SEPTIN9: variants seen among roughly 807,000 people sequenced by gnomAD.
The protein encoded by SEPTIN9 is septin 9.
Under a neutral mutation model 56.6 loss-of-function variants are expected in SEPTIN9, and 13 were observed. The ratio of observed to expected loss-of-function variants is 0.23; its 90% CI spans 0.15 to 0.37. SEPTIN9 has a LOEUF of 0.37. Ranked by LOEUF, SEPTIN9 falls within the 10% of genes least tolerant of loss-of-function variation. SEPTIN9 has a pLI of 1.00. For synonymous variants in SEPTIN9, 332 were observed against 334.1 expected, an observed-to-expected ratio of 0.99 and a Z score of 0.07; for missense variants, 650 against 823.1, an observed-to-expected ratio of 0.79 and a Z score of 2.57.
chr17:77,317,182 CACA>C lies in SEPTIN9; in HGVS notation c.76+9991_76+9993del, dbSNP rs1340135078. Reference sequence around the variant, plus strand: ...ACGAGTGGCCACAAGCTGGCTGGGTCACAACAACGCCCAGCCATCCTCTCACAG... The same window carrying C: ...ACGAGTGGCCACAAGCTGGCTGGGTCACAACGCCCAGCCATCCTCTCACAG... On this transcript the variant is annotated intron_variant, in intron 2 of 11. Transcript: ENST00000427177. This position sits in a 1 kb window ranked among gnomAD's most constrained non-coding sequence, Gnocchi z 4.2. 6.6e-6 allele frequency among the ~76,000 whole-genome samples: 1 copy of C among 152,168 alleles called. No individual in the cohort carries two copies. Among genetic ancestry groups the C allele is most frequent in the Non-Finnish European group, 1.5e-5 (1 of 68,026 alleles).
intron 2 of SEPTIN9, among the ~76,000 whole-genome samples, chr17:77,388,056 C>T (rs1044782614): frequency 1.3e-5 from 2 of 152,148 alleles, no homozygotes; most frequent in Admixed American, 6.5e-5. Context: ...GCCCCTCTAC[C>T]GTGAGGCTTC....
Position 77,492,549 on chromosome 17 carries a change from A to G in SEPTIN9, c.1381-72A>G. On this transcript the variant is annotated intron_variant, in intron 8 of 11. Coordinates refer to ENST00000427177, the MANE Select transcript of SEPTIN9 (RefSeq NM_001113491.2). This position sits in a 1 kb window ranked among gnomAD's most constrained non-coding sequence, Gnocchi z 5.4. ...TGGGGCAGCACACAGTGTGGAGGTC[A>G]TGTGGCAAACACCAGTGGGTGGGTA... The G allele has an allele frequency of 1.5e-6, 2 of 1,355,812 alleles. No individual in the cohort carries two copies. Among genetic ancestry groups the G allele is most frequent in the Non-Finnish European group, 2.1e-6 (2 of 944,706 alleles). The allele number at this position is 1,355,812 out of a possible 1,614,324, so 84.0% of individuals were successfully genotyped here. A position where few individuals can be genotyped will look rare whatever the true frequency, so the allele number is the denominator to read the frequency against.
chr17:77,341,664 A>G (rs923865132), intron 2 of SEPTIN9, among the ~76,000 whole-genome samples: 2 of 151,606 alleles, frequency 1.3e-5, no homozygotes, highest in Non-Finnish European at 2.9e-5. Context: ...AGTCCCAGCT[A>G]CTGGGGAAGC....
intron 2 of SEPTIN9, among the ~76,000 whole-genome samples, chr17:77,308,705 T>A (rs1163232431): frequency 6.6e-6 from 1 of 152,272 alleles, no homozygotes; most frequent in Non-Finnish European, 1.5e-5. Context: ...AGCCTGCTTC[T>A]GATCCTGAGC....
At chr17:77,398,947 A>G (rs1205426715) in intron 2 of SEPTIN9, among the ~76,000 whole-genome samples, 1 of 152,160 alleles carries the variant, frequency 6.6e-6, no homozygotes, top group Non-Finnish European at 1.5e-5. Context: ...GGAGGGACCC[A>G]TCCATGAAAA....
At chr17:77,498,454 G>A (rs924013343) in intron 11 of SEPTIN9, 69 bp from the exon 12 acceptor site, 1 of 871,696 alleles carries the variant, frequency 1.1e-6, no homozygotes, top group South Asian at 1.4e-5. Flanking sequence ...GGCCGAGCAG[G>A]GCCCCTGCCC....
intron 2 of SEPTIN9, chr17:77,374,198 C>T (rs1418605374): frequency 6.6e-6 from 1 of 152,536 alleles, no homozygotes; most frequent in Non-Finnish European, 1.5e-5. Flanking sequence ...GGGATATCCT[C>T]ATCCGCCTCC....
At chr17:77,439,449 GC>G (rs1391820815) in intron 3 of SEPTIN9, among the ~76,000 whole-genome samples, 2 of 152,132 alleles carry the variant, frequency 1.3e-5, no homozygotes, top group Non-Finnish European at 2.9e-5. Flanking sequence ...AGTCTGGCCT[GC>G]CCCCGTGGCG....
chr17:77,488,391 C>A, intron 6 of SEPTIN9, 70 bp downstream of exon 6: 2 of 1,434,412 alleles, frequency 1.4e-6, no homozygotes, highest in Non-Finnish European at 9.8e-7. Context: ...CCAGAGTCAG[C>A]CCTAGAGGTT....
At chr17:77,462,033 C>T (rs1046113432) in intron 3 of SEPTIN9, among the ~76,000 whole-genome samples, 4 of 152,230 alleles carry the variant, frequency 2.6e-5, no homozygotes, top group African/African-American at 9.6e-5. Flanking sequence ...ACCTTCAGGC[C>T]TTTGTCACAA....
chr17:77,429,374 A>G lies in SEPTIN9; in HGVS notation c.721+26671A>G, dbSNP rs3744069. The G allele has an allele frequency of 0.057, 25,034 of 437,864 alleles. 2,745 individuals carry two copies. The highest frequency in any genetic ancestry group is 0.3 in the African/African-American group (15,028 of 49,522). 27.1% of individuals were successfully genotyped at this position (437,864 alleles called of 1,614,324 possible). On this transcript the variant is annotated intron_variant, in intron 3 of 11. Coordinates refer to ENST00000427177, the MANE Select transcript of SEPTIN9 (RefSeq NM_001113491.2). The surrounding 1 kb of genome is among the most constrained non-coding windows in gnomAD (Gnocchi z 5.2). ...AGGTGTGCTGGCTCTCGCAGGTTGC[A>G]AAATGGGGACATCACCGTCCGCCTG...
chr17:77,471,410 T>C (rs1447345473), intron 3 of SEPTIN9, among the ~76,000 whole-genome samples: 2 of 152,274 alleles, frequency 1.3e-5, no homozygotes, highest in African/African-American at 4.8e-5. Flanking sequence ...GCTTTTTTTC[T>C]ACCCAGCACC....
In SEPTIN9 at chr17:77,434,430, T is replaced by G. The variant is rs531532310; in HGVS notation, c.721+31727T>G. On this transcript the variant is annotated intron_variant, in intron 3 of 11. Coordinates refer to ENST00000427177, the MANE Select transcript of SEPTIN9 (RefSeq NM_001113491.2). The surrounding 1 kb of genome is among the most constrained non-coding windows in gnomAD (Gnocchi z 5.0). The stretch of plus-strand genomic sequence containing the variant: ...CTCCATGGCTCCCTCGTCCTGCACA[T>G]CCTTCCCTTGTTGTGTTGTCTCGCT... Among the ~76,000 whole-genome samples, 3 of 152,282 alleles carry G rather than the reference T, an allele frequency of 2.0e-5. No homozygotes were observed. The highest frequency in any genetic ancestry group is 2.0e-4 in the Admixed American group (3 of 15,306).
chr17:77,492,721 G>A lies in SEPTIN9; in HGVS notation c.1476+5G>A. 4.3e-6 allele frequency: 7 copies of A among 1,612,878 alleles called. No individual in the cohort carries two copies. Among genetic ancestry groups the A allele is most frequent in the Non-Finnish European group, 5.9e-6 (7 of 1,178,918 alleles). ...CTGGTGAACGAGAAGTTCCGGGTGA[G>A]TGGATCCACTAGGATGTTGTTCCCA... is the stretch of plus-strand genomic sequence containing the variant. On this transcript the variant is annotated splice_donor_5th_base_variant and intron_variant, in intron 9 of 11. Transcript: ENST00000427177. The surrounding 1 kb of genome is among the most constrained non-coding windows in gnomAD (Gnocchi z 5.4).
At chr17:77,391,215 G>A (rs1434546481) in intron 2 of SEPTIN9, among the ~76,000 whole-genome samples, 2 of 152,196 alleles carry the variant, frequency 1.3e-5, no homozygotes, top group African/African-American at 2.4e-5. Context: ...GGGACACTGA[G>A]GGAGTCGAAT....
intron 2 of SEPTIN9, among the ~76,000 whole-genome samples, chr17:77,333,423 C>G (rs535768720): frequency 6.6e-6 from 1 of 152,112 alleles, no homozygotes; most frequent in African/African-American, 2.4e-5. Context: ...AACAAGGTCT[C>G]GCTGTATTGC....
intron 3 of SEPTIN9, among the ~76,000 whole-genome samples, chr17:77,420,870 C>A (rs961742737): frequency 2.6e-5 from 4 of 152,232 alleles, no homozygotes; most frequent in Non-Finnish European, 4.4e-5. Context: ...CACTCTCAAA[C>A]GCTGGCTTTC....
intron 3 of SEPTIN9, among the ~76,000 whole-genome samples, chr17:77,468,268 AAAAACAAAACAAAAC>A (rs369979662): frequency 6.6e-6 from 1 of 152,060 alleles, no homozygotes; most frequent in Non-Finnish European, 1.5e-5. Flanking sequence ...CCATCTCAAA[AAAAACAAAACAAAAC>A]AAAACAAAAC....
chr17:77,306,803 C>G (rs573776993), intron 1 of SEPTIN9, among the ~76,000 whole-genome samples: 1 of 152,374 alleles, frequency 6.6e-6, no homozygotes, highest in African/African-American at 2.4e-5. Context: ...GTGGGCTCAC[C>G]TGTGTGCAAC....
Sources: allele counts gnomAD v4.1 joint callset (sites outside exome capture counted in the v4.1 genomes callset), GRCh38; gene constraint gnomAD v4.1.1; non-coding constraint Gnocchi (gnomAD v3.1); transcripts MANE v1.5; gene names NCBI Gene and HGNC (gene_info 2026-07-23, HGNC 2026-07-21).